HEXA: variants seen among roughly 807,000 people sequenced by gnomAD.
HEXA encodes beta-hexosaminidase subunit alpha.
In HEXA, 54 loss-of-function variants were observed where a neutral mutation model predicts 73.3. The ratio of observed to expected loss-of-function variants is 0.74; its 90% confidence interval spans 0.59 to 0.92. The LOEUF (loss-of-function observed/expected upper bound fraction) is 0.92, where lower values mean the gene tolerates loss of function less well. Among genes scored for constraint, HEXA ranks in the 40% least tolerant of loss-of-function variants. The pLI, the probability that HEXA is intolerant of heterozygous loss-of-function variation, is 0.00. For missense variants in HEXA, 649 were observed against 653.0 expected (o/e 0.99, Z 0.07); for synonymous variants, 230 against 246.9 (o/e 0.93, Z 0.64).
At chr15:72,375,096 G>T (rs969264487) in intron 1 of HEXA, among the ~76,000 whole-genome samples, 3 of 148,300 alleles carry the variant, frequency 2.0e-5, no homozygotes, top group Non-Finnish European at 4.5e-5. Context: ...GGGGGGGGGG[G>T]TTGTTTTTCT....
chr15:72,375,995 G>T lies in HEXA; in HGVS notation c.-23C>A. 1 of 1,610,428 alleles carries T rather than the reference G, an allele frequency of 6.2e-7. No individual in the cohort carries two copies. The highest frequency in any genetic ancestry group is 1.1e-5 in the South Asian group (1 of 91,032). The stretch of plus-strand genomic sequence containing the variant: ...CATGGCCCGCTGGTCTCCCCTCTCG[G>T]AGGGGGCTGGCCACGTGAGACCCTG... On this transcript the variant is annotated 5_prime_UTR_variant, in exon 1 of 14. Coordinates refer to ENST00000268097, the MANE Select transcript of HEXA (RefSeq NM_000520.6).
At chr15:72,372,296 T>A (rs2140341326) in intron 1 of HEXA, among the ~76,000 whole-genome samples, 1 of 148,458 alleles carries the variant, frequency 6.7e-6, no homozygotes, top group Admixed American at 6.7e-5. Context: ...TTGCAGTGAG[T>A]CAAAATCACA....
chr15:72,362,616 C>T (rs972519786), intron 1 of HEXA: 5 of 400,106 alleles, frequency 1.2e-5, no homozygotes, highest in Admixed American at 2.7e-5. Context: ...CTGGGGTGGG[C>T]GATGCTAAGA....
Position 72,359,899 on chromosome 15 carries a change from T to A in HEXA, c.254-3282A>T, listed in dbSNP as rs376240717. 3.3e-5 allele frequency: 5 copies of A among 152,206 alleles called. No homozygotes were observed. The South Asian group carries it at 8.3e-4, about 25-fold the overall frequency. The allele number at this position is 152,206 out of a possible 1,614,324, so 9.4% of individuals were successfully genotyped here. Reference sequence around the variant, plus strand: ...TTATAGAGTAATTTTGCCTTATTCATCACAGACAGGTCACCTCTGGACATG... The same window carrying A: ...TTATAGAGTAATTTTGCCTTATTCAACACAGACAGGTCACCTCTGGACATG... On this transcript the variant is annotated intron_variant, in intron 1 of 13. Transcript: ENST00000268097.
intron 8 of HEXA, 107 bp from the exon 9 acceptor site, chr15:72,348,241 T>C (rs545977539): frequency 3.9e-5 from 31 of 785,144 alleles, no homozygotes; most frequent in Admixed American, 1.6e-4. Flanking sequence ...ACCTGAAAAA[T>C]CAAATAAGCA....
In HEXA at chr15:72,351,117, T is replaced by G; in HGVS notation, c.672+16A>C. Reference sequence around the variant, plus strand: ...CATTGACCCATAAACTTGGTCTGAGTGAAACGGGAACATACCTTTCTCATG... The same window carrying G: ...CATTGACCCATAAACTTGGTCTGAGGGAAACGGGAACATACCTTTCTCATG... On this transcript the variant is annotated intron_variant, in intron 6 of 13. Transcript: ENST00000268097. 1 of 1,525,126 alleles carries G rather than the reference T, an allele frequency of 6.6e-7. No individual in the cohort carries two copies. Among genetic ancestry groups the G allele is most frequent in the Non-Finnish European group, 9.1e-7 (1 of 1,098,826 alleles). 94.5% of individuals were successfully genotyped at this position (1,525,126 alleles called of 1,614,324 possible). A position where few individuals can be genotyped will look rare whatever the true frequency, so the allele number is the denominator to read the frequency against.
At chr15:72,356,485 G>A in intron 2 of HEXA, 40 bp downstream of exon 2, 3 of 1,610,080 alleles carry the variant, frequency 1.9e-6, no homozygotes, top group Non-Finnish European at 2.5e-6. Context: ...CTTCAGACAA[G>A]TGTTTGCTCT....
chr15:72,365,128 C>T lies in HEXA; in HGVS notation c.254-8511G>A, dbSNP rs527503894. 2.6e-3 allele frequency among the ~76,000 whole-genome samples: 395 copies of T among 152,308 alleles called. 1 individual carries two copies. Among genetic ancestry groups the T allele is most frequent in the Non-Finnish European group, 4.4e-3 (302 of 68,030 alleles). On this transcript the variant is annotated intron_variant, in intron 1 of 13. Coordinates refer to ENST00000268097, the MANE Select transcript of HEXA (RefSeq NM_000520.6). ...TTTTTGAGACGGAGTCTCGCTCTGT[C>T]GCCCAGGCTGGAGTGCAATGGCGCG...
chr15:72,355,491 A>T, intron 3 of HEXA, 68 bp downstream of exon 3: 1 of 1,107,750 alleles, frequency 9.0e-7, no homozygotes, highest in Non-Finnish European at 1.4e-6. Context: ...GGGCCACTGC[A>T]CTCCACCAAC....
intron 1 of HEXA, among the ~76,000 whole-genome samples, chr15:72,372,350 A>C (rs200591870): frequency 1.1e-4 from 1 of 9,074 alleles, no homozygotes; most frequent in Non-Finnish European, 4.1e-3. Context: ...CTCCATCTCA[A>C]AAAAAAAAAA....
intron 13 of HEXA, 153 bp downstream of exon 13, chr15:72,345,293 T>C: frequency 6.9e-7 from 1 of 1,456,380 alleles, no homozygotes. Context: ...CCTGAATACT[T>C]TTTATCGCAG....
intron 5 of HEXA, among the ~76,000 whole-genome samples, chr15:72,352,105 C>T (rs1011837422): frequency 1.3e-5 from 2 of 152,102 alleles, no homozygotes; most frequent in East Asian, 3.9e-4. Flanking sequence ...TACAGGTTTG[C>T]GCCATCGCGC....
rs2089063648 is a variant in HEXA, at chr15:72,375,996, AG to A, written c.-25del. On this transcript the variant is annotated 5_prime_UTR_variant, in exon 1 of 14. Transcript: ENST00000268097. ...ATGGCCCGCTGGTCTCCCCTCTCGG[AG>A]GGGGCTGGCCACGTGAGACCCTGGT... The A allele has an allele frequency of 1.1e-5, 18 of 1,610,010 alleles. No individual in the cohort carries two copies. Among genetic ancestry groups the A allele is most frequent in the Admixed American group, 1.7e-5 (1 of 59,984 alleles).
intron 1 of HEXA, chr15:72,370,698 A>AAAAAAAAAAAAAG (rs1215626474): frequency 4.8e-4 from 100 of 210,420 alleles, no homozygotes; most frequent in South Asian, 7.9e-4. Context: ...CCTGTTTCTT[A>AAAAAAAAAAAAAG]AAAAAAAAAA....
chr15:72,364,665 G>A (rs2088893108), intron 1 of HEXA, among the ~76,000 whole-genome samples: 1 of 151,792 alleles, frequency 6.6e-6, no homozygotes, highest in African/African-American at 2.4e-5. Context: ...TTACTGTACT[G>A]ACTTACACCC....
chr15:72,362,936 T>C (rs1202119078), intron 1 of HEXA, among the ~76,000 whole-genome samples: 1 of 152,170 alleles, frequency 6.6e-6, no homozygotes, highest in East Asian at 1.9e-4. Flanking sequence ...GTAGCTGATT[T>C]TGCTTCTGGA....
At chr15:72,351,052 A>T in intron 6 of HEXA, 81 bp downstream of exon 6, 1 of 912,968 alleles carries the variant, frequency 1.1e-6, no homozygotes, top group South Asian at 1.3e-5. Flanking sequence ...TTAGGATGAG[A>T]GACCCTGTTC....
intron 3 of HEXA, 125 bp from the exon 4 acceptor site, chr15:72,353,862 G>T: frequency 1.3e-6 from 1 of 759,120 alleles, no homozygotes; most frequent in Non-Finnish European, 2.4e-6. Flanking sequence ...ATGTAGTGTA[G>T]GCTTGACGAT....
At chr15:72,349,709 G>C (rs1219232972) in intron 7 of HEXA, among the ~76,000 whole-genome samples, 1 of 152,168 alleles carries the variant, frequency 6.6e-6, no homozygotes, top group Non-Finnish European at 1.5e-5. Context: ...TTGGCCCAGA[G>C]ACTACTTCCT....
Sources: allele counts gnomAD v4.1 joint callset (sites outside exome capture counted in the v4.1 genomes callset), GRCh38; gene constraint gnomAD v4.1.1; transcripts MANE v1.5; gene names NCBI Gene and HGNC (gene_info 2026-07-23, HGNC 2026-07-21).